The following PRKG1 variants were observed in gnomAD, a reference collection of about 807,000 sequenced individuals.
The protein encoded by PRKG1 is cGMP-dependent protein kinase 1.
A neutral mutation model predicts 88.1 loss-of-function variants in PRKG1; 35 were observed. The observed-to-expected ratio is 0.40, with a 90% CI of 0.30 to 0.53. PRKG1 has a LOEUF of 0.53. Ranked by LOEUF, PRKG1 falls within the 20% of genes least tolerant of loss-of-function variation. The pLI, the probability that PRKG1 is intolerant of heterozygous loss-of-function variation, is 0.59. For missense variants in PRKG1, 540 were observed against 839.8 expected (o/e 0.64, Z 4.41); for synonymous variants, 303 against 292.5 (o/e 1.04, Z -0.37).
In PRKG1 at chr10:51,153,239, G is replaced by A. The variant is rs1012939030; in HGVS notation, c.387G>A (p.Glu129=). ...MKNLELSQIQ[E]IVDCMYPVEY... is the part of the protein sequence containing the mutation. ...ACTTGGAGCTGTCGCAGATCCAGGA[G>A]ATTGTGGATTGTATGTACCCGGTGG... Residue 129 remains glutamate (E), a synonymous_variant, in exon 2 of 18, where the codon GAG becomes GAA. Transcript: ENST00000373980. 2 of 1,612,490 alleles carry A rather than the reference G, an allele frequency of 1.2e-6. No homozygotes were observed. Among genetic ancestry groups the A allele is most frequent in the Non-Finnish European group, 1.7e-6 (2 of 1,179,016 alleles).
At chr10:51,387,890 A>G (rs1169443530) in intron 2 of PRKG1, among the ~76,000 whole-genome samples, 1 of 152,188 alleles carries the variant, frequency 6.6e-6, no homozygotes, top group Non-Finnish European at 1.5e-5. Flanking sequence ...TATTATTAAT[A>G]ATAAACATTT....
chr10:51,589,624 A>G (rs182760904), intron 3 of PRKG1, among the ~76,000 whole-genome samples: 1 of 152,300 alleles, frequency 6.6e-6, no homozygotes, highest in Non-Finnish European at 1.5e-5. Flanking sequence ...CTCTGTCTCA[A>G]AAATGAAACA....
chr10:51,945,852 T>A (rs1360162841), intron 5 of PRKG1, among the ~76,000 whole-genome samples: 4 of 151,776 alleles, frequency 2.6e-5, no homozygotes, highest in African/African-American at 4.9e-5. Context: ...CTTCTCTTTG[T>A]GGGTAACCCG....
chr10:52,185,407 C>T (rs763012666), intron 9 of PRKG1, among the ~76,000 whole-genome samples: 4 of 152,210 alleles, frequency 2.6e-5, no homozygotes, highest in Non-Finnish European at 5.9e-5. Flanking sequence ...TTGAGTAGCT[C>T]CACCCCTGTG....
chr10:52,180,026 C>T (rs768436662), intron 9 of PRKG1, among the ~76,000 whole-genome samples: 6 of 152,156 alleles, frequency 3.9e-5, no homozygotes, highest in Admixed American at 3.3e-4. Context: ...TCTTTCCTTT[C>T]TGAAATACCC....
chr10:51,944,377 C>A (rs1376990158), intron 5 of PRKG1, among the ~76,000 whole-genome samples: 1 of 151,908 alleles, frequency 6.6e-6, no homozygotes, highest in East Asian at 1.9e-4. Context: ...AGCAGTCTAT[C>A]AATTTTGTTG....
In PRKG1 at chr10:51,927,095, A is replaced by G. The variant is rs1436789699; in HGVS notation, c.762+19525A>G. Among the ~76,000 whole-genome samples the G allele has an allele frequency of 5.3e-5, 8 of 151,970 alleles. No individual in the cohort carries two copies. The East Asian group carries it at 1.5e-3, about 29-fold the overall frequency. ...CTAGAAGCCACCTGAGAATTACTGA[A>G]ATGTATCAATAGATGATATGGTTTG... is the stretch of plus-strand genomic sequence containing the variant. On this transcript the variant is annotated intron_variant, in intron 5 of 17. Coordinates refer to ENST00000373980, the MANE Select transcript of PRKG1 (RefSeq NM_006258.4).
At chr10:52,157,258 G>A (rs1446937629) in intron 8 of PRKG1, among the ~76,000 whole-genome samples, 3 of 143,916 alleles carry the variant, frequency 2.1e-5, no homozygotes, top group Admixed American at 7.1e-5. Context: ...TATATATGTT[G>A]TGTATATATA....
At position 51,950,929 on chromosome 10, in the gene PRKG1, G is replaced by T. The variant is rs1029812118; in HGVS notation, c.762+43359G>T. Among the ~76,000 whole-genome samples the T allele has an allele frequency of 3.3e-5, 5 of 152,254 alleles. 1 individual carries two copies. The highest frequency in any genetic ancestry group is 4.4e-5 in the Non-Finnish European group (3 of 68,046). The stretch of plus-strand genomic sequence containing the variant: ...ATAACTTTCTGCAGAGAGCGGACGT[G>T]GGGGTGGTCCCCCAATGGTGGGAAA... On this transcript the variant is annotated intron_variant, in intron 5 of 17. Transcript: ENST00000373980.
In PRKG1 at chr10:52,054,469, G is replaced by C. The variant is rs1904010; in HGVS notation, c.763-15G>C. ...TGCTTGCTTAATTTTTTTTCTTATT[G>C]TTTCTACTTTTCAGACCCACTATGA... On this transcript the variant is annotated splice_polypyrimidine_tract_variant and intron_variant, in intron 5 of 17. Coordinates refer to ENST00000373980, the MANE Select transcript of PRKG1 (RefSeq NM_006258.4). The C allele has an allele frequency of 6.2e-7, 1 of 1,604,930 alleles. No individual in the cohort carries two copies. Among genetic ancestry groups the C allele is most frequent in the Admixed American group, 1.7e-5 (1 of 59,704 alleles).
chr10:52,002,945 A>G (rs1239956715), intron 5 of PRKG1, among the ~76,000 whole-genome samples: 3 of 152,212 alleles, frequency 2.0e-5, no homozygotes, highest in Non-Finnish European at 4.4e-5. Flanking sequence ...GAAAGTTAGT[A>G]TGACATGTGA....
At chr10:51,385,417 A>T (rs1029282914) in intron 2 of PRKG1, among the ~76,000 whole-genome samples, 1 of 152,208 alleles carries the variant, frequency 6.6e-6, no homozygotes, top group Non-Finnish European at 1.5e-5. Flanking sequence ...TAATTCATTT[A>T]TCTATTTTTT....
Position 51,973,795 on chromosome 10 carries a change from G to T in PRKG1, c.762+66225G>T, listed in dbSNP as rs369245045. On this transcript the variant is annotated intron_variant, in intron 5 of 17. Coordinates refer to ENST00000373980, the MANE Select transcript of PRKG1 (RefSeq NM_006258.4). ...CTCCCTAAACATAAACGGGCAGGGAGTTCAGAGTAGCGACAATTGGTTAAG... is the reference window on the plus strand; with the variant it reads ...CTCCCTAAACATAAACGGGCAGGGATTTCAGAGTAGCGACAATTGGTTAAG... Among the ~76,000 whole-genome samples the T allele has an allele frequency of 1.2e-4, 19 of 152,236 alleles. 1 individual carries two copies. In the East Asian group the frequency reaches 2.1e-3, roughly 17 times the overall value.
intron 12 of PRKG1, among the ~76,000 whole-genome samples, chr10:52,276,866 A>G (rs1339232946): frequency 1.3e-5 from 2 of 152,178 alleles, no homozygotes; most frequent in Non-Finnish European, 2.9e-5. Flanking sequence ...TAAAATCCAC[A>G]AGTTATCTAC....
chr10:51,280,680 G>A (rs1048395204), intron 2 of PRKG1, among the ~76,000 whole-genome samples: 7 of 152,064 alleles, frequency 4.6e-5, no homozygotes, highest in Admixed American at 1.3e-4. Context: ...TTGTGCATTC[G>A]TCAAGTAGTT....
At chr10:52,007,701 G>A (rs959732880) in intron 5 of PRKG1, among the ~76,000 whole-genome samples, 1 of 152,074 alleles carries the variant, frequency 6.6e-6, no homozygotes, top group Admixed American at 6.5e-5. Flanking sequence ...TCCACTGACA[G>A]TATTAAACAT....
chr10:51,647,178 G>T (rs2132307178), intron 3 of PRKG1, among the ~76,000 whole-genome samples: 1 of 149,902 alleles, frequency 6.7e-6, no homozygotes, highest in South Asian at 2.1e-4. Context: ...CTGGGGTGAA[G>T]CATACTGAAA....
At chr10:51,901,750 C>T (rs1841985532) in intron 4 of PRKG1, among the ~76,000 whole-genome samples, 1 of 152,128 alleles carries the variant, frequency 6.6e-6, no homozygotes, top group African/African-American at 2.4e-5. Flanking sequence ...GCATGATAAT[C>T]TTTCCAAAAA....
chr10:51,603,022 A>G (rs980701233), intron 3 of PRKG1, among the ~76,000 whole-genome samples: 1 of 151,912 alleles, frequency 6.6e-6, no homozygotes, highest in Non-Finnish European at 1.5e-5. Context: ...CAGTGGCGCA[A>G]TCTGGGCTCA....
Sources: allele counts gnomAD v4.1 joint callset (sites outside exome capture counted in the v4.1 genomes callset), GRCh38; gene constraint gnomAD v4.1.1; transcripts MANE v1.5; gene names NCBI Gene and HGNC (gene_info 2026-07-23, HGNC 2026-07-21).